Variants in SUSD4 observed in about 807,000 individuals in gnomAD.
The protein encoded by SUSD4 is sushi domain-containing protein 4.
A neutral mutation model predicts 50.5 loss-of-function variants in SUSD4; 41 were observed. The observed-to-expected ratio is 0.81, with a 90% CI of 0.63 to 1.05. SUSD4 has a LOEUF of 1.05. SUSD4 is among the 50% of genes least tolerant of loss of function. The pLI, the probability that SUSD4 is intolerant of heterozygous loss-of-function variation, is 0.00. For synonymous variants in SUSD4, 257 were observed against 257.3 expected, an observed-to-expected ratio of 1.00 and a Z score of 0.01; for missense variants, 580 against 634.7, an observed-to-expected ratio of 0.91 and a Z score of 0.93.
chr1:223,273,609 T>C (rs1248510819), intron 3 of SUSD4, among the ~76,000 whole-genome samples: 1 of 152,190 alleles, frequency 6.6e-6, no homozygotes, highest in African/African-American at 2.4e-5. Flanking sequence ...AAGCTTTGGG[T>C]CATGGGCCAT....
chr1:223,264,500 A>G (rs1007173598), intron 5 of SUSD4, 130 bp downstream of exon 5: 14 of 1,437,596 alleles, frequency 9.7e-6, no homozygotes, highest in Non-Finnish European at 1.3e-5. Context: ...TGCTCTGGAG[A>G]AAAGTGAGAA....
At chr1:223,361,227 T>A (rs544588629) in intron 2 of SUSD4, among the ~76,000 whole-genome samples, 3 of 152,308 alleles carry the variant, frequency 2.0e-5, no homozygotes, top group Admixed American at 2.0e-4. Context: ...AATCTCTGTA[T>A]AATGAACTCT....
intron 3 of SUSD4, among the ~76,000 whole-genome samples, chr1:223,288,406 G>A (rs375097412): frequency 2.0e-5 from 3 of 152,056 alleles, no homozygotes; most frequent in Non-Finnish European, 4.4e-5. Flanking sequence ...AAATTACCTC[G>A]TCTCAGATAG....
chr1:223,347,211 T>C lies in SUSD4; in HGVS notation c.148+16067A>G, dbSNP rs1299397032. On this transcript the variant is annotated intron_variant, in intron 2 of 8. Transcript: ENST00000366878. ...TCCTTTGTGTTATAAACAATCCAAT[T>C]ACACTTTTTTAGTTATTTTGAAATA... 2.0e-5 allele frequency among the ~76,000 whole-genome samples: 3 copies of C among 152,202 alleles called. No individual in the cohort carries two copies. In the East Asian group the frequency reaches 5.8e-4, roughly 29 times the overall value.
chr1:223,257,728 C>T (rs1294376369), intron 5 of SUSD4, among the ~76,000 whole-genome samples: 5 of 151,180 alleles, frequency 3.3e-5, no homozygotes, highest in Admixed American at 1.3e-4. Context: ...AGGATGGACC[C>T]GAGCTCATGC....
At chr1:223,334,027 T>C (rs1404527098) in intron 2 of SUSD4, among the ~76,000 whole-genome samples, 2 of 152,082 alleles carry the variant, frequency 1.3e-5, no homozygotes, top group Non-Finnish European at 1.5e-5. Context: ...GACCCACCCA[T>C]GAACACAGAG....
intron 5 of SUSD4, among the ~76,000 whole-genome samples, chr1:223,250,527 A>G (rs1028568709): frequency 6.6e-6 from 1 of 152,236 alleles, no homozygotes; most frequent in African/African-American, 2.4e-5. Flanking sequence ...GAGCTGGGAC[A>G]GGACCTTATG....
chr1:223,331,380 T>A (rs1436132601), intron 2 of SUSD4, among the ~76,000 whole-genome samples: 1 of 152,152 alleles, frequency 6.6e-6, no homozygotes, highest in East Asian at 1.9e-4. Context: ...CTTTCCTTTT[T>A]TCTTTATTCT....
At chr1:223,308,085 CTATT>C (rs1280989732) in intron 2 of SUSD4, among the ~76,000 whole-genome samples, 1 of 152,032 alleles carries the variant, frequency 6.6e-6, no homozygotes, top group East Asian at 1.9e-4. Flanking sequence ...TTTTTTAAGG[CTATT>C]TAAGTCAAAT....
chr1:223,330,965 T>C (rs1413932946), intron 2 of SUSD4, among the ~76,000 whole-genome samples: 1 of 152,164 alleles, frequency 6.6e-6, no homozygotes, highest in Non-Finnish European at 1.5e-5. Context: ...ACCTCTGTCC[T>C]AATAAAAATG....
chr1:223,247,104 G>A (rs1168247675), intron 5 of SUSD4, among the ~76,000 whole-genome samples: 1 of 152,106 alleles, frequency 6.6e-6, no homozygotes, highest in African/African-American at 2.4e-5. Context: ...AGCCCCCCGG[G>A]TGTTCTTCAT....
intron 2 of SUSD4, among the ~76,000 whole-genome samples, chr1:223,305,556 T>A (rs1379872269): frequency 6.6e-6 from 1 of 152,216 alleles, no homozygotes; most frequent in Non-Finnish European, 1.5e-5. Flanking sequence ...CAGTGTATTG[T>A]CAGTCATATA....
intron 2 of SUSD4, among the ~76,000 whole-genome samples, chr1:223,335,368 T>C (rs1393783757): frequency 6.6e-6 from 1 of 152,202 alleles, no homozygotes; most frequent in African/African-American, 2.4e-5. Context: ...ACGGAAATGA[T>C]TTTTAACCTA....
chr1:223,355,051 T>G (rs1015778137), intron 2 of SUSD4, among the ~76,000 whole-genome samples: 1 of 151,912 alleles, frequency 6.6e-6, no homozygotes, highest in Non-Finnish European at 1.5e-5. Flanking sequence ...CTGCTGCGAC[T>G]ACAGACACGT....
In SUSD4 at chr1:223,328,094, T is replaced by TA. The variant is rs879707495; in HGVS notation, c.148+35183dup. On this transcript the variant is annotated intron_variant, in intron 2 of 8. Coordinates refer to ENST00000366878, the MANE Select transcript of SUSD4 (RefSeq NM_017982.4). Reference sequence around the variant, plus strand: ...TCTGTCATTCCTAATTAGTGTTCTCTAAAAAAAAAAAAAAGTTTTTAAAAG... The same window carrying TA: ...TCTGTCATTCCTAATTAGTGTTCTCTAAAAAAAAAAAAAAAGTTTTTAAAAG... Among the ~76,000 whole-genome samples the TA allele has an allele frequency of 9.0e-3, 1,230 of 136,506 alleles. 8 individuals carry two copies. Among genetic ancestry groups the TA allele is most frequent in the African/African-American group, 0.012 (435 of 37,030 alleles). 89.6% of individuals were successfully genotyped at this position (136,506 alleles called of 152,430 possible). A position where few individuals can be genotyped will look rare whatever the true frequency, so the allele number is the denominator to read the frequency against.
chr1:223,230,598 GC>G (rs1659829867), intron 5 of SUSD4: 1 of 152,210 alleles, frequency 6.6e-6, no homozygotes, highest in African/African-American at 2.4e-5. Flanking sequence ...AGGCCACCCT[GC>G]CGGAGGTGTC....
At chr1:223,250,759 C>G (rs904014787) in intron 5 of SUSD4, among the ~76,000 whole-genome samples, 6 of 152,300 alleles carry the variant, frequency 3.9e-5, no homozygotes, top group African/African-American at 1.4e-4. Flanking sequence ...CTGACAGATA[C>G]AGGGAAGCCT....
At chr1:223,342,094 C>T (rs951952046) in intron 2 of SUSD4, among the ~76,000 whole-genome samples, 8 of 152,106 alleles carry the variant, frequency 5.3e-5, no homozygotes, top group African/African-American at 1.9e-4. Context: ...GAGGTCTGCC[C>T]TGGTGGACCA....
chr1:223,300,001 AGT>A (rs1478805178), intron 2 of SUSD4, among the ~76,000 whole-genome samples: 1 of 152,178 alleles, frequency 6.6e-6, no homozygotes, highest in Non-Finnish European at 1.5e-5. Context: ...AAAATACTAG[AGT>A]ACTTTACAAA....
Sources: allele counts gnomAD v4.1 joint callset (sites outside exome capture counted in the v4.1 genomes callset), GRCh38; gene constraint gnomAD v4.1.1; transcripts MANE v1.5; gene names NCBI Gene and HGNC (gene_info 2026-07-23, HGNC 2026-07-21).